Variants in CAMK2A observed in about 807,000 individuals in gnomAD.
The protein encoded by CAMK2A is calcium/calmodulin dependent protein kinase II alpha.
CAMK2A carries 7 observed loss-of-function variants against 79.2 expected under a neutral mutation model. The ratio of observed to expected loss-of-function variants is 0.09; its 90% CI spans 0.05 to 0.17. The LOEUF is 0.17. CAMK2A is among the 10% of genes least tolerant of loss of function. The pLI is 1.00. For synonymous variants in CAMK2A, 242 were observed against 251.7 expected (o/e 0.96, Z 0.36); for missense variants, 214 against 646.4 (o/e 0.33, Z 7.25).
chr5:150,256,510 T>G lies in CAMK2A; in HGVS notation c.411+63A>C, dbSNP rs10463293. 523,932 of 1,086,768 alleles carry G rather than the reference T, an allele frequency of 0.48. 127,966 individuals are homozygous for G. The highest frequency in any genetic ancestry group is 0.64 in the African/African-American group (41,648 of 64,948). The allele number at this position is 1,086,768 out of a possible 1,614,324, so 67.3% of individuals were successfully genotyped here. A position where few individuals can be genotyped will look rare whatever the true frequency, so the allele number is the denominator to read the frequency against. Reference sequence around the variant, plus strand: ...TCTGATAATGTCCAGCTCTGCAGGATTAGGGACGTGCAGAGGAGAGAGGGG... The same window carrying G: ...TCTGATAATGTCCAGCTCTGCAGGAGTAGGGACGTGCAGAGGAGAGAGGGG... On this transcript the variant is annotated intron_variant, in intron 6 of 18. Transcript: ENST00000671881. This position sits in a 1 kb window ranked among gnomAD's most constrained non-coding sequence, Gnocchi z 4.6.
At chr5:150,231,148 A>C (rs1175527093) in intron 16 of CAMK2A, among the ~76,000 whole-genome samples, 157 bp downstream of exon 16, 1 of 152,176 alleles carries the variant, frequency 6.6e-6, no homozygotes, top group East Asian at 1.9e-4. Context: ...AGAAGCATCA[A>C]GTCCGGATGC....
At position 150,231,460 on chromosome 5, in the gene CAMK2A, C is replaced by A. The variant is rs549736136; in HGVS notation, c.1067-80G>T. 1.4e-3 allele frequency: 871 copies of A among 614,314 alleles called. 2 individuals carry two copies. The highest frequency in any genetic ancestry group is 2.0e-3 in the Non-Finnish European group (838 of 412,722). 38.1% of individuals were successfully genotyped at this position (614,314 alleles called of 1,614,324 possible). On this transcript the variant is annotated intron_variant, in intron 15 of 18. Coordinates refer to ENST00000671881, the MANE Select transcript of CAMK2A (RefSeq NM_015981.4). ...AATAATAATAGTGATGGTAATGAAG[C>A]ACCAACTACCATTTCTTGAGTCCTT...
upstream of CAMK2A, chr5:150,289,935 A>C: frequency 4.8e-6 from 2 of 419,952 alleles, no homozygotes; most frequent in Admixed American, 3.8e-5. Context: ...CGCCCTGACC[A>C]TACCGCACAC....
chr5:150,277,800 A>C (rs1337467971), intron 1 of CAMK2A, among the ~76,000 whole-genome samples: 1 of 152,202 alleles, frequency 6.6e-6, no homozygotes, highest in East Asian at 1.9e-4. Flanking sequence ...TCTTCCCTTC[A>C]AATATACATT....
intron 2 of CAMK2A, among the ~76,000 whole-genome samples, chr5:150,270,463 G>C (rs1442781443): frequency 1.3e-5 from 2 of 152,194 alleles, no homozygotes; most frequent in African/African-American, 2.4e-5. Flanking sequence ...GGCTGGGCAG[G>C]GTGGGCAAAA....
chr5:150,248,280 T>C (rs1338953202), intron 11 of CAMK2A, among the ~76,000 whole-genome samples: 1 of 150,788 alleles, frequency 6.6e-6, no homozygotes, highest in East Asian at 1.9e-4. Flanking sequence ...GCTCAGAGAA[T>C]CCCAGGAGGA....
In CAMK2A at chr5:150,232,549, G is replaced by A. The variant is rs570920439; in HGVS notation, c.1067-1169C>T. Among the ~76,000 whole-genome samples the A allele has an allele frequency of 2.6e-4, 39 of 152,306 alleles. No homozygotes were observed. In the South Asian group the frequency reaches 6.0e-3, roughly 23 times the overall value. On this transcript the variant is annotated intron_variant, in intron 15 of 18. Coordinates refer to ENST00000671881, the MANE Select transcript of CAMK2A (RefSeq NM_015981.4). ...CAGAGCCTAACAGAAGCCTTGCTCC[G>A]TCTCCCAGAGGCAGGCCCCTTTCCC...
intron 1 of CAMK2A, among the ~76,000 whole-genome samples, chr5:150,287,466 C>T (rs1256176533): frequency 6.6e-6 from 1 of 152,148 alleles, no homozygotes; most frequent in African/African-American, 2.4e-5. Context: ...CCTGCCATGG[C>T]CACACCAGGG....
chr5:150,280,594 C>T (rs1757170032), intron 1 of CAMK2A, among the ~76,000 whole-genome samples: 1 of 152,176 alleles, frequency 6.6e-6, no homozygotes, highest in Admixed American at 6.5e-5. Context: ...CCCAGGGCTC[C>T]ATGGAAGAAA....
intron 2 of CAMK2A, among the ~76,000 whole-genome samples, chr5:150,272,768 T>G (rs1756802924): frequency 6.7e-6 from 1 of 149,772 alleles, no homozygotes; most frequent in African/African-American, 2.5e-5. Flanking sequence ...AGGGGAGAAG[T>G]GATGGCAAGT....
rs1454491970 is a variant in CAMK2A, at chr5:150,221,290, G to A, written c.*1420C>T. On this transcript the variant is annotated 3_prime_UTR_variant, in exon 19 of 19. Coordinates refer to ENST00000671881, the MANE Select transcript of CAMK2A (RefSeq NM_015981.4). ...CCACTCAGAGTCAATCCCAGGGAAA[G>A]AGGGAAAGAGGAAAAGAAAGAGAGA... is the stretch of plus-strand genomic sequence containing the variant. 1.0e-5 allele frequency: 4 copies of A among 397,576 alleles called. No individual in the cohort carries two copies. The highest frequency in any genetic ancestry group is 1.8e-5 in the Non-Finnish European group (4 of 225,758). The allele number at this position is 397,576 out of a possible 1,614,324, so 24.6% of individuals were successfully genotyped here.
chr5:150,238,797 G>A (rs1315290164), intron 14 of CAMK2A, 49 bp from the exon 15 acceptor site: 36 of 1,514,864 alleles, frequency 2.4e-5, no homozygotes, highest in Admixed American at 5.7e-5. Flanking sequence ...GGAGCGGGAC[G>A]AGGCATGGCC....
intron 12 of CAMK2A, among the ~76,000 whole-genome samples, chr5:150,246,127 A>G (rs1368269719): frequency 6.6e-6 from 1 of 152,106 alleles, no homozygotes; most frequent in Non-Finnish European, 1.5e-5. Flanking sequence ...GAGGAGGGTC[A>G]TATGAGCCAC....
rs1562164621 is a variant in CAMK2A, at chr5:150,250,813, G to A, written c.694-3C>T. ...GTGTCCCATTCCGGCGATGGGAACT[G>A]GAAGGGGCAGAGAGGCCAGGTTTGC... On this transcript the variant is annotated splice_region_variant and splice_polypyrimidine_tract_variant and intron_variant, in intron 9 of 18. Coordinates refer to ENST00000671881, the MANE Select transcript of CAMK2A (RefSeq NM_015981.4). 1 of 1,613,938 alleles carries A rather than the reference G, an allele frequency of 6.2e-7. No individual in the cohort carries two copies. The highest frequency in any genetic ancestry group is 1.1e-5 in the South Asian group (1 of 91,066).
intron 17 of CAMK2A, 27 bp downstream of exon 17, chr5:150,228,165 G>A (rs773120233): frequency 3.2e-6 from 5 of 1,565,168 alleles, no homozygotes; most frequent in Non-Finnish European, 4.4e-6. Flanking sequence ...CAGACAACAG[G>A]CACCACAGAG....
chr5:150,238,799 G>A, intron 14 of CAMK2A, 51 bp from the exon 15 acceptor site: 1 of 1,490,342 alleles, frequency 6.7e-7, no homozygotes. Context: ...AGCGGGACGA[G>A]GCATGGCCAG....
intron 7 of CAMK2A, 107 bp downstream of exon 7, chr5:150,253,337 A>T (rs1487971445): frequency 1.1e-6 from 1 of 887,184 alleles, no homozygotes; most frequent in African/African-American, 1.6e-5. Context: ...CGGCTGGCCC[A>T]ACAGCATCTC....
At chr5:150,279,208 T>C (rs775686413) in intron 1 of CAMK2A, among the ~76,000 whole-genome samples, 7 of 151,866 alleles carry the variant, frequency 4.6e-5, no homozygotes, top group Non-Finnish European at 7.3e-5. Context: ...GCACTTGAAA[T>C]GGGACCAGTG....
intron 1 of CAMK2A, among the ~76,000 whole-genome samples, chr5:150,275,223 C>T (rs536877875): frequency 8.5e-5 from 13 of 152,368 alleles, no homozygotes; most frequent in African/African-American, 2.9e-4. Flanking sequence ...GCAGCCTGTC[C>T]ATATGCTACC....
Sources: gnomAD v4.1 joint callset for allele counts (sites outside exome capture counted in the v4.1 genomes callset) on GRCh38, gnomAD v4.1.1 for gene constraint, Gnocchi (gnomAD v3.1) non-coding constraint, MANE v1.5 for transcripts, NCBI Gene and HGNC (gene_info 2026-07-23, HGNC 2026-07-21) for gene names.